Variants in CSMD2 observed in about 807,000 individuals in gnomAD.
The protein encoded by CSMD2 is CUB and Sushi multiple domains 2.
A neutral mutation model predicts 398.5 loss-of-function variants in CSMD2; 130 were observed. That is an observed-to-expected ratio of 0.33 (90% CI 0.28 to 0.38). The LOEUF is 0.38. Among genes scored for constraint, CSMD2 ranks in the 10% least tolerant of loss-of-function variants. The pLI is 1.00. For synonymous variants in CSMD2, 1,828 were observed against 1,908.5 expected, an observed-to-expected ratio of 0.96 and a Z score of 1.10; for missense variants, 3,829 against 4,764.9, an observed-to-expected ratio of 0.80 and a Z score of 5.78.
At chr1:33,993,596 T>C (rs1350123850) in intron 3 of CSMD2, among the ~76,000 whole-genome samples, 1 of 152,204 alleles carries the variant, frequency 6.6e-6, no homozygotes, top group Non-Finnish European at 1.5e-5. Flanking sequence ...TTTCCTTTGC[T>C]ACTTCTACCT....
intron 40 of CSMD2, 89 bp downstream of exon 40, chr1:33,614,415 T>C: frequency 1.3e-6 from 1 of 764,838 alleles, no homozygotes; most frequent in Non-Finnish European, 2.3e-6. Context: ...TTGGCCCAAG[T>C]TTGTGCTAAG....
Position 33,533,175 on chromosome 1 carries a change from TCCAGGG to T in CSMD2, c.10040_10045del (p.Ala3347_Leu3348del). The T allele has an allele frequency of 6.2e-7, 1 of 1,613,988 alleles. No homozygotes were observed. The highest frequency in any genetic ancestry group is 8.5e-7 in the Non-Finnish European group (1 of 1,179,998). ...GAGCGTGTAGCCCATGGAGGGCAAA[TCCAGGG>T]CCCCGACGTTGGCATGCGTTGGCGT... On this transcript the variant is annotated inframe_deletion, in exon 64 of 71. Transcript: ENST00000373381. The surrounding 1 kb of genome is among the most constrained non-coding windows in gnomAD (Gnocchi z 4.2).
intron 5 of CSMD2, among the ~76,000 whole-genome samples, chr1:33,869,567 C>G (rs1640298229): frequency 2.0e-5 from 3 of 152,214 alleles, no homozygotes; most frequent in Admixed American, 2.0e-4. Flanking sequence ...ACACAGATTG[C>G]CGGGCCTTAC....
intron 5 of CSMD2, chr1:33,864,437 G>A (rs1252270586): frequency 3.7e-6 from 6 of 1,613,542 alleles, no homozygotes; most frequent in Middle Eastern, 1.6e-4. Flanking sequence ...TTGGCAAGAG[G>A]AAGAAACGGA....
intron 68 of CSMD2, among the ~76,000 whole-genome samples, chr1:33,521,171 G>A (rs879883271): frequency 7.2e-5 from 11 of 152,234 alleles, no homozygotes; most frequent in African/African-American, 1.4e-4. Context: ...GCTGGAGGGT[G>A]TGGCTGGGGG....
intron 55 of CSMD2, among the ~76,000 whole-genome samples, chr1:33,554,185 CTTTTTTTT>C (rs397860875): frequency 1.1e-3 from 84 of 74,400 alleles, no homozygotes; most frequent in Non-Finnish European, 1.5e-3. Flanking sequence ...AAAAAACAGC[CTTTTTTTT>C]TTTTTTTTTT....
chr1:33,623,503 C>T, intron 35 of CSMD2, 37 bp from the exon 36 acceptor site: 1 of 1,457,908 alleles, frequency 6.9e-7, no homozygotes, highest in Non-Finnish European at 9.6e-7. Flanking sequence ...GGTTAGGCAG[C>T]CTGCGTCCCT....
chr1:33,559,269 G>A lies in CSMD2; in HGVS notation c.8554+31C>T, dbSNP rs887770670. 3 of 1,528,220 alleles carry A rather than the reference G, an allele frequency of 2.0e-6. No homozygotes were observed. The highest frequency in any genetic ancestry group is 2.4e-5 in the East Asian group (1 of 40,882). 94.7% of individuals were successfully genotyped at this position (1,528,220 alleles called of 1,614,324 possible). A position where few individuals can be genotyped will look rare whatever the true frequency, so the allele number is the denominator to read the frequency against. ...GAACCACATATAGCAGAGATGGTGG[G>A]GACTGGATTGGGAGAGAAAGGGTGA... On this transcript the variant is annotated intron_variant, in intron 54 of 70. Coordinates refer to ENST00000373381, the MANE Select transcript of CSMD2 (RefSeq NM_001281956.2). The surrounding 1 kb of genome is among the most constrained non-coding windows in gnomAD (Gnocchi z 4.0).
chr1:34,129,440 A>C (rs898611313), intron 1 of CSMD2, among the ~76,000 whole-genome samples: 10 of 152,154 alleles, frequency 6.6e-5, no homozygotes, highest in African/African-American at 2.4e-4. Context: ...TCACGAGGTC[A>C]GGAGATCGTG....
intron 6 of CSMD2, among the ~76,000 whole-genome samples, chr1:33,845,789 G>T (rs969528407): frequency 1.3e-5 from 2 of 152,196 alleles, no homozygotes; most frequent in African/African-American, 4.8e-5. Flanking sequence ...TGAACGTAAC[G>T]CTTCTTCCTT....
At chr1:33,810,427 A>G (rs190239823) in intron 10 of CSMD2, among the ~76,000 whole-genome samples, 1 of 152,286 alleles carries the variant, frequency 6.6e-6, no homozygotes, top group East Asian at 1.9e-4. Context: ...CACACAATTG[A>G]GGTAATGGTT....
intron 65 of CSMD2, 40 bp from the exon 66 acceptor site, chr1:33,525,083 T>C: frequency 6.2e-7 from 1 of 1,607,364 alleles, no homozygotes. Context: ...GGACTTTGTG[T>C]GTGCTGCCAG....
intron 5 of CSMD2, among the ~76,000 whole-genome samples, chr1:33,883,216 C>A (rs1641355242): frequency 1.3e-5 from 2 of 152,150 alleles, no homozygotes; most frequent in East Asian, 3.9e-4. Flanking sequence ...GGCCATTTTC[C>A]TCTCAGTAGG....
intron 6 of CSMD2, among the ~76,000 whole-genome samples, 199 bp from the exon 7 acceptor site, chr1:33,825,973 C>G (rs1000135620): frequency 5.3e-5 from 8 of 152,188 alleles, no homozygotes; most frequent in African/African-American, 1.9e-4. Context: ...ACTATCAAGG[C>G]TAGCCCTCTG....
chr1:33,891,985 C>T (rs959223393), intron 5 of CSMD2, among the ~76,000 whole-genome samples: 12 of 149,212 alleles, frequency 8.0e-5, no homozygotes, highest in South Asian at 2.1e-4. Flanking sequence ...ACTAGCATGG[C>T]GCATGTATAC....
chr1:33,876,983 G>A (rs909655319), intron 5 of CSMD2, among the ~76,000 whole-genome samples: 4 of 152,178 alleles, frequency 2.6e-5, no homozygotes, highest in Non-Finnish European at 5.9e-5. Context: ...TGCCTTATTA[G>A]TATTTCTACA....
At chr1:33,771,100 T>G (rs1035068495) in intron 13 of CSMD2, among the ~76,000 whole-genome samples, 6 of 152,162 alleles carry the variant, frequency 3.9e-5, no homozygotes, top group African/African-American at 1.4e-4. Context: ...TCCCAGCTCT[T>G]TGTCGCAGAA....
intron 2 of CSMD2, among the ~76,000 whole-genome samples, chr1:34,066,095 T>C (rs1194866179): frequency 6.6e-6 from 1 of 152,182 alleles, no homozygotes; most frequent in East Asian, 1.9e-4. Flanking sequence ...AATATGGGGC[T>C]AATGATAATA....
intron 2 of CSMD2, among the ~76,000 whole-genome samples, chr1:34,052,630 T>G (rs1345497942): frequency 1.3e-5 from 2 of 152,036 alleles, no homozygotes; most frequent in Non-Finnish European, 2.9e-5. Flanking sequence ...CTCATTTATA[T>G]GTGTGTACTT....
Sources: gnomAD v4.1 joint callset for allele counts (sites outside exome capture counted in the v4.1 genomes callset) on GRCh38, gnomAD v4.1.1 for gene constraint, Gnocchi (gnomAD v3.1) non-coding constraint, MANE v1.5 for transcripts, NCBI Gene and HGNC (gene_info 2026-07-23, HGNC 2026-07-21) for gene names.